The following HMCN2 variants were observed in gnomAD, a reference collection of about 807,000 sequenced individuals.
HMCN2 encodes the protein hemicentin-2.
A neutral mutation model predicts 377.5 loss-of-function variants in HMCN2; 325 were observed. The ratio of observed to expected loss-of-function variants is 0.86; its 90% CI spans 0.79 to 0.94. The LOEUF is 0.94. Ranked by LOEUF, HMCN2 falls within the 40% of genes least tolerant of loss-of-function variation. The pLI is 0.00. For missense variants in HMCN2, 4,543 were observed against 4,725.3 expected (o/e 0.96, Z 1.13); for synonymous variants, 2,007 against 2,046.8 (o/e 0.98, Z 0.53).
chr9:130,304,528 G>A lies in HMCN2; in HGVS notation c.1544-202G>A, dbSNP rs1836726959. Among the ~76,000 whole-genome samples, 1 of 152,176 alleles carries A rather than the reference G, an allele frequency of 6.6e-6. No individual in the cohort carries two copies. Among genetic ancestry groups the A allele is most frequent in the African/African-American group, 2.4e-5 (1 of 41,434 alleles). Reference sequence around the variant, plus strand: ...CCCCTGGCAGGTGTATAATGGTGGTGGGAGAAGTGACCTCCCACAGGGGTG... The same window carrying A: ...CCCCTGGCAGGTGTATAATGGTGGTAGGAGAAGTGACCTCCCACAGGGGTG... On this transcript the variant is annotated intron_variant, in intron 10 of 97. Transcript: ENST00000683500. This position sits in a 1 kb window ranked among gnomAD's most constrained non-coding sequence, Gnocchi z 4.3.
At chr9:130,314,744 C>T (rs1261640652) in intron 15 of HMCN2, among the ~76,000 whole-genome samples, 1 of 152,182 alleles carries the variant, frequency 6.6e-6, no homozygotes, top group Non-Finnish European at 1.5e-5. Context: ...CTCTGAGCCA[C>T]AGCCCTGGGT....
intron 4 of HMCN2, among the ~76,000 whole-genome samples, chr9:130,289,443 G>T (rs1278433365): frequency 6.6e-6 from 1 of 152,110 alleles, no homozygotes; most frequent in African/African-American, 2.4e-5. Context: ...CCCCTCCCAG[G>T]GGGAGGTGGT....
chr9:130,331,327 C>A (rs912450111), intron 22 of HMCN2, among the ~76,000 whole-genome samples: 4 of 152,122 alleles, frequency 2.6e-5, no homozygotes, highest in African/African-American at 7.2e-5. Context: ...CGGTTCCTTG[C>A]GGGACGGTCC....
intron 5 of HMCN2, 36 bp from the exon 6 acceptor site, chr9:130,295,630 G>C (rs1368654432): frequency 2.2e-6 from 1 of 461,938 alleles, no homozygotes; most frequent in African/African-American, 2.0e-5. Context: ...CCCCAGCAAA[G>C]GGTTAGGGAC....
intron 40 of HMCN2, among the ~76,000 whole-genome samples, chr9:130,364,000 G>A (rs1409325297): frequency 6.6e-6 from 1 of 151,392 alleles, no homozygotes; most frequent in East Asian, 1.9e-4. Context: ...AAGGAAGGAA[G>A]GAAAGAAAGA....
At chr9:130,409,291 C>G (rs1843283364) in intron 84 of HMCN2, among the ~76,000 whole-genome samples, 1 of 152,152 alleles carries the variant, frequency 6.6e-6, no homozygotes, top group African/African-American at 2.4e-5. Flanking sequence ...AATAGTGCTC[C>G]CTATTTACAG....
intron 24 of HMCN2, 125 bp from the exon 25 acceptor site, chr9:130,342,225 G>A (rs1236512417): frequency 3.3e-5 from 5 of 152,132 alleles, no homozygotes; most frequent in African/African-American, 1.2e-4. Flanking sequence ...TTGCCAGGAG[G>A]CTAGGGGCTG....
At chr9:130,430,644 ATGGGCTCT>A in intron 95 of HMCN2, 40 bp downstream of exon 95, 1 of 1,506,490 alleles carries the variant, frequency 6.6e-7, no homozygotes, top group Non-Finnish European at 8.9e-7. Context: ...CACTGCCGTT[ATGGGCTCT>A]TGGGCCCCTA....
rs28701677 is a variant in HMCN2 at position 130,277,923 on chromosome 9, C to G, written c.260-6680C>G. Among the ~76,000 whole-genome samples, 9 of 43,900 alleles carry G rather than the reference C, an allele frequency of 2.1e-4. 3 individuals are homozygous for G. The highest frequency in any genetic ancestry group is 5.2e-4 in the Admixed American group (2 of 3,854). The allele number at this position is 43,900 out of a possible 152,430, so 28.8% of individuals were successfully genotyped here. A position where few individuals can be genotyped will look rare whatever the true frequency, so the allele number is the denominator to read the frequency against. On this transcript the variant is annotated intron_variant, in intron 1 of 97. Transcript: ENST00000683500. ...CCATCATCATCACCACCACCACCAT[C>G]ATCATCATCACCACCACCATCATCA... is the stretch of plus-strand genomic sequence containing the variant.
chr9:130,332,987 G>A (rs1838506521), intron 22 of HMCN2, among the ~76,000 whole-genome samples: 1 of 152,208 alleles, frequency 6.6e-6, no homozygotes, highest in Non-Finnish European at 1.5e-5. Context: ...GGGGGTCTGG[G>A]GAGGGCAGGA....
intron 79 of HMCN2, 126 bp downstream of exon 79, chr9:130,403,454 C>T: frequency 3.7e-6 from 4 of 1,085,376 alleles, no homozygotes; most frequent in African/African-American, 1.6e-5. Context: ...AAGCCCCTGG[C>T]CTGCCCAGAT....
chr9:130,364,597 A>T (rs570529535), intron 40 of HMCN2, 117 bp from the exon 41 acceptor site: 59 of 323,646 alleles, frequency 1.8e-4, no homozygotes, highest in African/African-American at 1.1e-3. Context: ...CTGAAGGCAG[A>T]GGAAGGGTGG....
chr9:130,266,525 T>C (rs1033359291), intron 1 of HMCN2, among the ~76,000 whole-genome samples: 1 of 152,242 alleles, frequency 6.6e-6, no homozygotes, highest in Middle Eastern at 3.2e-3. Flanking sequence ...GCTACGAGCC[T>C]TTGCAGGGCT....
chr9:130,407,422 C>T (rs992120908), intron 82 of HMCN2, 149 bp from the exon 83 acceptor site: 1 of 579,518 alleles, frequency 1.7e-6, no homozygotes, highest in Non-Finnish European at 2.6e-6. Context: ...GTGGCCTGTG[C>T]CTCCCAGGAA....
intron 97 of HMCN2, 52 bp from the exon 98 acceptor site, chr9:130,433,296 G>A (rs1844872107): frequency 1.5e-6 from 2 of 1,355,044 alleles, no homozygotes; most frequent in Non-Finnish European, 1.9e-6. Flanking sequence ...GATGGGCCAC[G>A]CTCCGACCGC....
intron 8 of HMCN2, among the ~76,000 whole-genome samples, chr9:130,300,761 C>CT (rs1836460048): frequency 6.6e-6 from 1 of 152,208 alleles, no homozygotes; most frequent in Non-Finnish European, 1.5e-5. Flanking sequence ...GTATGTGTGG[C>CT]TTTTTGCTGG....
At position 130,304,342 on chromosome 9, in the gene HMCN2, C is replaced by T. The variant is rs1428887075; in HGVS notation, c.1544-388C>T. On this transcript the variant is annotated intron_variant, in intron 10 of 97. Coordinates refer to ENST00000683500, the MANE Select transcript of HMCN2 (RefSeq NM_001291815.2). The surrounding 1 kb of genome is among the most constrained non-coding windows in gnomAD (Gnocchi z 4.3). ...GCTATAAATAGCCCTGCTGTTGGTA[C>T]AGAGAATCGTTTTGAACACATTACT... 1.3e-5 allele frequency among the ~76,000 whole-genome samples: 2 copies of T among 152,204 alleles called. No individual in the cohort carries two copies. Among genetic ancestry groups the T allele is most frequent in the African/African-American group, 4.8e-5 (2 of 41,450 alleles).
chr9:130,289,259 G>A (rs1278278768), intron 4 of HMCN2, among the ~76,000 whole-genome samples: 1 of 152,220 alleles, frequency 6.6e-6, no homozygotes, highest in Non-Finnish European at 1.5e-5. Context: ...GCACCAGCAG[G>A]CACAAAGGGT....
intron 1 of HMCN2, among the ~76,000 whole-genome samples, chr9:130,282,581 A>G (rs1835180082): frequency 1.3e-5 from 2 of 152,186 alleles, no homozygotes; most frequent in Admixed American, 1.3e-4. Flanking sequence ...CGAGACGGAT[A>G]AACACAGAGC....
Sources: gnomAD v4.1 joint callset for allele counts (sites outside exome capture counted in the v4.1 genomes callset) on GRCh38, gnomAD v4.1.1 for gene constraint, Gnocchi (gnomAD v3.1) non-coding constraint, MANE v1.5 for transcripts, NCBI Gene and HGNC (gene_info 2026-07-23, HGNC 2026-07-21) for gene names.